Variants in PHKB observed in about 807,000 individuals in gnomAD.
PHKB encodes phosphorylase kinase regulatory subunit beta, also known as phosphorylase b kinase regulatory subunit beta.
Under a neutral mutation model 152.1 loss-of-function variants are expected in PHKB, and 122 were observed. That is an observed-to-expected ratio of 0.80 (90% CI 0.69 to 0.93). The LOEUF (loss-of-function observed/expected upper bound fraction) is 0.93. Ranked by LOEUF, PHKB falls within the 40% of genes least tolerant of loss-of-function variation. The probability of loss-of-function intolerance (pLI) is 0.00; values close to 1 mark genes in which losing one functional copy is unlikely to be tolerated. For synonymous variants in PHKB, 436 were observed against 464.9 expected, an observed-to-expected ratio of 0.94 and a Z score of 0.80; for missense variants, 1,304 against 1,328.4, an observed-to-expected ratio of 0.98 and a Z score of 0.29.
intron 1 of PHKB, among the ~76,000 whole-genome samples, chr16:47,488,891 G>C (rs1046712566): frequency 6.6e-6 from 1 of 152,120 alleles, no homozygotes; most frequent in African/African-American, 2.4e-5. Context: ...GATGCCTCCA[G>C]CTTTGTTCTT....
intron 7 of PHKB, among the ~76,000 whole-genome samples, chr16:47,577,409 A>G (rs534858178): frequency 1.3e-5 from 2 of 152,284 alleles, no homozygotes; most frequent in East Asian, 3.9e-4. Context: ...GAGAAGAAAC[A>G]TGTATTGTAT....
At position 47,698,397 on chromosome 16, in the gene PHKB, A is replaced by T. The variant is rs371687738; in HGVS notation, c.3004-51A>T. 5.8e-6 allele frequency: 8 copies of T among 1,388,874 alleles called. No individual in the cohort carries two copies. The East Asian group carries it at 1.6e-4, about 28-fold the overall frequency. 86.0% of individuals were successfully genotyped at this position (1,388,874 alleles called of 1,614,324 possible). ...ATCCATCTGATCAAAGGGTGAAAAC[A>T]TGTCACTATTATGGTTCATATAGTT... On this transcript the variant is annotated intron_variant, in intron 29 of 30. Transcript: ENST00000323584.
At chr16:47,683,858 C>T (rs530285415) in intron 26 of PHKB, among the ~76,000 whole-genome samples, 52 of 152,292 alleles carry the variant, frequency 3.4e-4, no homozygotes, top group South Asian at 2.3e-3. Flanking sequence ...GCATCGCTCA[C>T]GCTGGGAACT....
intron 14 of PHKB, among the ~76,000 whole-genome samples, chr16:47,620,083 C>G (rs1303957503): frequency 6.6e-6 from 1 of 152,112 alleles, no homozygotes; most frequent in East Asian, 1.9e-4. Flanking sequence ...CAATAGCCAG[C>G]CAGGAATTGC....
chr16:47,515,135 A>G (rs1405544930), intron 5 of PHKB, among the ~76,000 whole-genome samples: 1 of 152,218 alleles, frequency 6.6e-6, no homozygotes, highest in Non-Finnish European at 1.5e-5. Context: ...GGGCCAGACT[A>G]TTCCAAAGTA....
intron 10 of PHKB, among the ~76,000 whole-genome samples, chr16:47,591,621 T>C (rs1196702822): frequency 6.6e-6 from 1 of 152,156 alleles, no homozygotes; most frequent in East Asian, 1.9e-4. Context: ...TCCACAGCCC[T>C]AGCTCTCTTC....
At chr16:47,574,072 G>T (rs181298607) in intron 7 of PHKB, among the ~76,000 whole-genome samples, 1 of 152,140 alleles carries the variant, frequency 6.6e-6, no homozygotes, top group African/African-American at 2.4e-5. Flanking sequence ...GGCATGCACC[G>T]CCACACCCAG....
intron 3 of PHKB, among the ~76,000 whole-genome samples, chr16:47,500,892 T>C (rs1970314342): frequency 6.6e-6 from 1 of 152,210 alleles, no homozygotes; most frequent in African/African-American, 2.4e-5. Flanking sequence ...GATTTAAAAA[T>C]TGTATCTTCC....
In PHKB at chr16:47,669,275, G is replaced by A; in HGVS notation, c.2488G>A (p.Val830Met). 1.2e-6 allele frequency: 2 copies of A among 1,614,142 alleles called. No individual in the cohort carries two copies. The highest frequency in any genetic ancestry group is 1.3e-5 in the African/African-American group (1 of 75,030). ...TATCTCTAATCCTTTGTCTCCAAGA[G>A]TGATTCAAAACATCATCTATTATAA... is the stretch of plus-strand genomic sequence containing the variant. Reference protein sequence around the residue: ...EVISNPLSPRVIQNIIYYKCN... With the variant: ...EVISNPLSPRMIQNIIYYKCN... The change falls in exon 26 of 31, where the codon GTG becomes ATG. Residue 830 changes from valine (V) to methionine (M), a missense_variant. Physicochemically the swap from Val to Met is conservative, Grantham distance 21 (BLOSUM62 1). Transcript: ENST00000323584.
At chr16:47,476,396 C>T (rs2151631179) in intron 1 of PHKB, among the ~76,000 whole-genome samples, 1 of 152,138 alleles carries the variant, frequency 6.6e-6, no homozygotes, top group Middle Eastern at 3.4e-3. Context: ...CATGGAAATA[C>T]ACAGTAAGGC....
intron 6 of PHKB, among the ~76,000 whole-genome samples, chr16:47,532,520 T>C (rs764530350): frequency 6.6e-6 from 1 of 151,802 alleles, no homozygotes; most frequent in Non-Finnish European, 1.5e-5. Context: ...TGGTGAGGGG[T>C]GTATGAGCAA....
intron 5 of PHKB, among the ~76,000 whole-genome samples, chr16:47,512,822 A>G (rs1970532770): frequency 6.6e-6 from 1 of 152,124 alleles, no homozygotes. Context: ...TTAACTATTC[A>G]TCTATTCCTT....
intron 3 of PHKB, 56 bp downstream of exon 3, chr16:47,499,950 G>C: frequency 6.3e-7 from 1 of 1,599,114 alleles, no homozygotes; most frequent in South Asian, 1.1e-5. Flanking sequence ...GGGTTTTGTA[G>C]GACCAAGACT....
chr16:47,682,880 C>A (rs1283969353), intron 26 of PHKB, among the ~76,000 whole-genome samples: 1 of 152,048 alleles, frequency 6.6e-6, no homozygotes, highest in Non-Finnish European at 1.5e-5. Flanking sequence ...CATTTTTTTC[C>A]CCATCTTTGT....
At chr16:47,512,962 C>G (rs1361851778) in intron 5 of PHKB, among the ~76,000 whole-genome samples, 2 of 152,188 alleles carry the variant, frequency 1.3e-5, no homozygotes, top group African/African-American at 4.8e-5. Context: ...GACTCTTGTA[C>G]TTATTTGTAA....
chr16:47,670,809 T>G (rs1474674539), intron 26 of PHKB, among the ~76,000 whole-genome samples: 1 of 152,136 alleles, frequency 6.6e-6, no homozygotes, highest in Non-Finnish European at 1.5e-5. Flanking sequence ...AGTTTAAAAC[T>G]TTGATTTTGT....
intron 7 of PHKB, chr16:47,566,214 T>G (rs1477975431): frequency 1.3e-6 from 1 of 752,916 alleles, no homozygotes; most frequent in African/African-American, 1.7e-5. Context: ...ATCTGAATCA[T>G]AACGATCTCG....
Position 47,698,704 on chromosome 16 carries a change from A to G in PHKB, c.3144+116A>G. ...TTTATAAAACAGATTCACAGGTGCA[A>G]AATAGGATACTTGAGGGGCAGTCTG... On this transcript the variant is annotated intron_variant, in intron 30 of 30. Coordinates refer to ENST00000323584, the MANE Select transcript of PHKB (RefSeq NM_000293.3). The G allele has an allele frequency of 5.4e-6, 5 of 927,528 alleles. No homozygotes were observed. The South Asian group carries it at 8.4e-5, about 16-fold the overall frequency. 57.5% of individuals were successfully genotyped at this position (927,528 alleles called of 1,614,324 possible).
chr16:47,607,889 G>T (rs1004078031), intron 13 of PHKB, among the ~76,000 whole-genome samples: 1 of 152,024 alleles, frequency 6.6e-6, no homozygotes, highest in East Asian at 1.9e-4. Flanking sequence ...TAATGGATAT[G>T]AAGTGATACC....
Sources: allele counts gnomAD v4.1 joint callset (sites outside exome capture counted in the v4.1 genomes callset), GRCh38; gene constraint gnomAD v4.1.1; transcripts MANE v1.5; gene names NCBI Gene and HGNC (gene_info 2026-07-23, HGNC 2026-07-21).